Variants in ZFHX4 observed in about 807,000 individuals in gnomAD.
ZFHX4 encodes zinc finger homeobox 4.
A neutral mutation model predicts 267.6 loss-of-function variants in ZFHX4; 56 were observed. The ratio of observed to expected loss-of-function variants is 0.21; its 90% CI spans 0.17 to 0.26. ZFHX4 has a LOEUF of 0.26. ZFHX4 is among the 10% of genes least tolerant of loss of function. The probability of loss-of-function intolerance (pLI) is 1.00; values close to 1 mark genes in which losing one functional copy is unlikely to be tolerated. For synonymous variants in ZFHX4, 1,778 were observed against 1,665.6 expected, an observed-to-expected ratio of 1.07 and a Z score of -1.64; for missense variants, 4,332 against 4,420.0, an observed-to-expected ratio of 0.98 and a Z score of 0.56.
rs963833274 is a variant in ZFHX4, at chr8:76,866,397, G to A, written c.*1832G>A. On this transcript the variant is annotated 3_prime_UTR_variant, in exon 11 of 11. Transcript: ENST00000651372. ...TTATTGTACAGTTTTTGTTTCGGAT[G>A]ATGATCACAGCAATCTTTATTCTAT... 1 of 150,452 alleles carries A rather than the reference G, an allele frequency of 6.6e-6. No individual in the cohort carries two copies. The highest frequency in any genetic ancestry group is 1.5e-5 in the Non-Finnish European group (1 of 67,802). 9.3% of individuals were successfully genotyped at this position (150,452 alleles called of 1,614,324 possible).
intron 1 of ZFHX4, among the ~76,000 whole-genome samples, chr8:76,690,056 T>C (rs1034567845): frequency 6.6e-6 from 1 of 152,076 alleles, no homozygotes; most frequent in African/African-American, 2.4e-5. Context: ...ATTCAGATAA[T>C]AGATCATTTC....
chr8:76,771,735 G>A (rs934123289), intron 3 of ZFHX4, among the ~76,000 whole-genome samples: 4 of 152,192 alleles, frequency 2.6e-5, no homozygotes, highest in African/African-American at 9.6e-5. Context: ...TGCTTTTCAA[G>A]ACACTGTGGT....
At chr8:76,810,262 G>A (rs959149196) in intron 4 of ZFHX4, among the ~76,000 whole-genome samples, 1 of 152,140 alleles carries the variant, frequency 6.6e-6, no homozygotes, top group South Asian at 2.1e-4. Context: ...AAGAAATGGC[G>A]GGGTATCATT....
At chr8:76,807,475 A>G (rs905109640) in intron 4 of ZFHX4, among the ~76,000 whole-genome samples, 2 of 152,090 alleles carry the variant, frequency 1.3e-5, no homozygotes, top group Non-Finnish European at 2.9e-5. Flanking sequence ...GTAAATGAGT[A>G]GGGGGTTTCT....
At chr8:76,838,294 T>C (rs2131904328) in intron 5 of ZFHX4, among the ~76,000 whole-genome samples, 1 of 152,272 alleles carries the variant, frequency 6.6e-6, no homozygotes, top group East Asian at 1.9e-4. Context: ...CAAGATGGGG[T>C]CCAGTAACAG....
chr8:76,771,388 T>A (rs947358916), intron 3 of ZFHX4, among the ~76,000 whole-genome samples: 3 of 152,188 alleles, frequency 2.0e-5, no homozygotes, highest in African/African-American at 7.2e-5. Flanking sequence ...CTCTGAATTG[T>A]TAAATTCATG....
chr8:76,711,010 A>T (rs1015572472), intron 3 of ZFHX4, among the ~76,000 whole-genome samples: 1 of 152,158 alleles, frequency 6.6e-6, no homozygotes, highest in African/African-American at 2.4e-5. Flanking sequence ...TTATTTAACC[A>T]GAACAACACC....
chr8:76,856,896 A>G (rs1215752939), intron 10 of ZFHX4, among the ~76,000 whole-genome samples: 1 of 152,210 alleles, frequency 6.6e-6, no homozygotes, highest in Non-Finnish European at 1.5e-5. Context: ...AGAATTTAGC[A>G]TTGCTATACA....
At chr8:76,790,150 G>A (rs866021201) in intron 4 of ZFHX4, among the ~76,000 whole-genome samples, 26 of 152,130 alleles carry the variant, frequency 1.7e-4, no homozygotes, top group South Asian at 4.1e-4. Flanking sequence ...AAGTGGTTGA[G>A]AAAGTACACT....
Position 76,705,877 on chromosome 8 carries a change from A to C in ZFHX4, c.1789A>C (p.Thr597Pro). ...TPHQHGFTPS[T>P]PGTPGPGGDG... Reference sequence around the variant, plus strand: ...TCACCAGCATGGCTTTACCCCGAGTACTCCTGGCACACCAGGGCCTGGAGG... The same window carrying C: ...TCACCAGCATGGCTTTACCCCGAGTCCTCCTGGCACACCAGGGCCTGGAGG... Residue 597 changes from threonine (T) to proline (P), a missense_variant, in exon 2 of 11, where the codon ACT becomes CCT. Thr to Pro is a conservative substitution (Grantham distance 38). Coordinates refer to ENST00000651372, the MANE Select transcript of ZFHX4 (RefSeq NM_024721.5). The C allele has an allele frequency of 1.9e-6, 3 of 1,613,262 alleles. No individual in the cohort carries two copies. The highest frequency in any genetic ancestry group is 2.5e-6 in the Non-Finnish European group (3 of 1,179,806).
At chr8:76,729,038 C>A (rs1473576022) in intron 3 of ZFHX4, among the ~76,000 whole-genome samples, 1 of 152,142 alleles carries the variant, frequency 6.6e-6, no homozygotes, top group East Asian at 1.9e-4. Context: ...ATTGGTACAT[C>A]AACTTTCTTT....
In ZFHX4 at chr8:76,778,424, C is replaced by T. The variant is rs1201464268; in HGVS notation, c.3310C>T (p.Pro1104Ser). 4 of 1,613,418 alleles carry T rather than the reference C, an allele frequency of 2.5e-6. No individual in the cohort carries two copies. The East Asian group carries it at 6.7e-5, about 27-fold the overall frequency. The change falls in exon 4 of 11, where the codon CCA becomes TCA. Residue 1104 changes from proline (P) to serine (S), a missense_variant. Pro to Ser is a moderately conservative substitution (Grantham distance 74). Coordinates refer to ENST00000651372, the MANE Select transcript of ZFHX4 (RefSeq NM_024721.5). The part of the protein sequence containing the change: ...LSEIFFVKDC[P>S]PNELETASLG... Reference sequence around the variant, plus strand: ...TGAGATCTTTTTTGTTAAAGATTGCCCACCAAATGAGCTTGGTGAGTAACC... The same window carrying T: ...TGAGATCTTTTTTGTTAAAGATTGCTCACCAAATGAGCTTGGTGAGTAACC...
chr8:76,718,097 C>T (rs1278749753), intron 3 of ZFHX4, among the ~76,000 whole-genome samples: 1 of 152,182 alleles, frequency 6.6e-6, no homozygotes, highest in African/African-American at 2.4e-5. Flanking sequence ...AAGACATCTC[C>T]TTTCAACTCA....
chr8:76,741,424 C>T (rs774939636), intron 3 of ZFHX4, among the ~76,000 whole-genome samples: 9 of 152,158 alleles, frequency 5.9e-5, no homozygotes, highest in Non-Finnish European at 1.2e-4. Context: ...AATATCAACT[C>T]GGGCAAGAGG....
chr8:76,724,341 C>T (rs979369744), intron 3 of ZFHX4, among the ~76,000 whole-genome samples: 1 of 151,966 alleles, frequency 6.6e-6, no homozygotes, highest in Non-Finnish European at 1.5e-5. Flanking sequence ...GAAACTGTGT[C>T]GCCTGCTCTT....
chr8:76,820,018 A>T (rs1355464687), intron 4 of ZFHX4, among the ~76,000 whole-genome samples: 1 of 152,172 alleles, frequency 6.6e-6, no homozygotes, highest in East Asian at 1.9e-4. Flanking sequence ...GCCATATAAA[A>T]GATGCAGTTT....
rs747018530 is a variant in ZFHX4 at position 76,853,195 on chromosome 8, C to A, written c.6274C>A (p.Pro2092Thr). Residue 2092 changes from proline to threonine, a missense_variant, in exon 10 of 11, where the codon CCT becomes ACT. Physicochemically the swap from Pro to Thr is conservative, Grantham distance 38. This residue lies in a region of ZFHX4 where 1,371 missense variants were observed against 1,423.1 expected (regional missense o/e 0.96). Coordinates refer to ENST00000651372, the MANE Select transcript of ZFHX4 (RefSeq NM_024721.5). Reference protein sequence around the residue: ...MMQPVQHPALPPQLALQLPQM... With the variant: ...MMQPVQHPALTPQLALQLPQM... ...GCAACCTGTGCAACACCCTGCGCTT[C>A]CTCCCCAGCTTGCCCTGCAGCTGCC... 3.2e-6 allele frequency: 5 copies of A among 1,557,236 alleles called. No homozygotes were observed. Among genetic ancestry groups the A allele is most frequent in the Middle Eastern group, 3.3e-4 (2 of 5,992 alleles).
chr8:76,727,995 C>A (rs922335351), intron 3 of ZFHX4, among the ~76,000 whole-genome samples: 3 of 152,100 alleles, frequency 2.0e-5, no homozygotes, highest in Non-Finnish European at 4.4e-5. Flanking sequence ...CTTTGGGGGA[C>A]TTGAGCTGGA....
intron 4 of ZFHX4, among the ~76,000 whole-genome samples, chr8:76,833,032 A>G (rs1226526684): frequency 1.3e-5 from 2 of 152,150 alleles, no homozygotes; most frequent in Non-Finnish European, 2.9e-5. Flanking sequence ...ATCCTATAAC[A>G]TATAGGCTTG....
Sources: gnomAD v4.1 joint callset for allele counts (sites outside exome capture counted in the v4.1 genomes callset) on GRCh38, gnomAD v4.1.1 for gene constraint, gnomAD v4.1.1 regional missense constraint, MANE v1.5 for transcripts, NCBI Gene and HGNC (gene_info 2026-07-23, HGNC 2026-07-21) for gene names.